The following RBFOX2 variants were observed in gnomAD, a reference collection of about 807,000 sequenced individuals.
RBFOX2 encodes RNA binding protein fox-1 homolog 2.
A neutral mutation model predicts 49.1 loss-of-function variants in RBFOX2; 10 were observed. The ratio of observed to expected loss-of-function variants is 0.20; its 90% CI spans 0.13 to 0.35. RBFOX2 has a LOEUF of 0.35. Ranked by LOEUF, RBFOX2 falls within the 10% of genes least tolerant of loss-of-function variation. The pLI is 1.00. For synonymous variants in RBFOX2, 183 were observed against 187.4 expected (o/e 0.98, Z 0.19); for missense variants, 323 against 486.9 (o/e 0.66, Z 3.17).
At chr22:35,882,329 G>A (rs888887581) in intron 1 of RBFOX2, among the ~76,000 whole-genome samples, 3 of 152,180 alleles carry the variant, frequency 2.0e-5, no homozygotes, top group Non-Finnish European at 2.9e-5. Flanking sequence ...ACTAGATTTA[G>A]CAGCATGCAA....
Position 35,898,528 on chromosome 22 carries a change from C to A in RBFOX2, c.-34+40319G>T, listed in dbSNP as rs141254449. The stretch of plus-strand genomic sequence containing the variant: ...GCAACCTCTGCCTCCCAGGCTCAAG[C>A]GATCCTCTCACCTCAGCCTCCAGAG... On this transcript the variant is annotated intron_variant, in intron 1 of 13. Transcript: ENST00000359369. The A allele has an allele frequency of 1.5e-5, 4 of 263,432 alleles. No homozygotes were observed. In the East Asian group the frequency reaches 3.9e-4, roughly 26 times the overall value. 16.3% of individuals were successfully genotyped at this position (263,432 alleles called of 1,614,324 possible).
intron 1 of RBFOX2, among the ~76,000 whole-genome samples, chr22:35,879,075 A>T (rs915726352): frequency 6.6e-6 from 1 of 152,208 alleles, no homozygotes; most frequent in Non-Finnish European, 1.5e-5. Context: ...GCTATGAAAA[A>T]TTTAAAGTAA....
chr22:35,768,324 T>G, exon 5 of RBFOX2: 1 of 1,614,094 alleles, frequency 6.2e-7, no homozygotes, highest in South Asian at 1.1e-5. Flanking sequence ...ATCAGCACTA[T>G]TCTCGAAAGT....
intron 1 of RBFOX2, chr22:35,897,135 C>A: frequency 2.0e-6 from 1 of 503,390 alleles, no homozygotes; most frequent in Middle Eastern, 4.6e-4. Context: ...TCTTTTTAAC[C>A]TCAAATGTTT....
At position 35,922,245 on chromosome 22, in the gene RBFOX2, G is replaced by A. The variant is rs143258208; in HGVS notation, c.-34+16602C>T. 2.8e-4 allele frequency among the ~76,000 whole-genome samples: 42 copies of A among 152,330 alleles called. No homozygotes were observed. In the East Asian group the frequency reaches 7.9e-3, roughly 29 times the overall value. Reference sequence around the variant, plus strand: ...CACACAGAGGGAATAAACTGAGTTTGTAAATAGTGTCAAATACAATGTGAA... The same window carrying A: ...CACACAGAGGGAATAAACTGAGTTTATAAATAGTGTCAAATACAATGTGAA... On this transcript the variant is annotated intron_variant, in intron 1 of 13. Coordinates refer to the RBFOX2 transcript ENST00000359369.
chr22:35,840,263 G>A, exon 1 of RBFOX2: 2 of 1,613,980 alleles, frequency 1.2e-6, no homozygotes, highest in Non-Finnish European at 1.7e-6. Flanking sequence ...AGCCGTGCTG[G>A]GGCACACCTC....
intron 1 of RBFOX2, among the ~76,000 whole-genome samples, chr22:35,883,429 G>A (rs929408291): frequency 6.6e-6 from 1 of 152,220 alleles, no homozygotes; most frequent in African/African-American, 2.4e-5. Flanking sequence ...TGAAGAGGAT[G>A]CTAAGGCACT....
intron 1 of RBFOX2, among the ~76,000 whole-genome samples, chr22:36,013,384 C>A (rs2058900460): frequency 6.6e-6 from 1 of 152,090 alleles, no homozygotes; most frequent in Non-Finnish European, 1.5e-5. Context: ...TAATAGAATA[C>A]CTACTACGTG....
chr22:35,914,715 T>C (rs117181631), intron 1 of RBFOX2, among the ~76,000 whole-genome samples: 1 of 152,298 alleles, frequency 6.6e-6, no homozygotes, highest in East Asian at 1.9e-4. Flanking sequence ...CTCTACGTGA[T>C]TGGTTGGTTC....
chr22:35,755,147 C>T (rs1249919476), intron 9 of RBFOX2, among the ~76,000 whole-genome samples: 2 of 152,184 alleles, frequency 1.3e-5, no homozygotes, highest in Non-Finnish European at 2.9e-5. Flanking sequence ...TATTTCTAGA[C>T]AATTTTAACC....
intron 1 of RBFOX2, among the ~76,000 whole-genome samples, chr22:35,944,335 A>G (rs1487451838): frequency 6.6e-6 from 1 of 152,234 alleles, no homozygotes; most frequent in Non-Finnish European, 1.5e-5. Flanking sequence ...TGATTTTTAA[A>G]GCCGTTTTTC....
chr22:36,002,859 C>T (rs1040029967), intron 1 of RBFOX2, among the ~76,000 whole-genome samples: 1 of 152,262 alleles, frequency 6.6e-6, no homozygotes, highest in African/African-American at 2.4e-5. Flanking sequence ...CTTCTGACCT[C>T]AGATGATCCC....
rs1218090455 is a variant in RBFOX2 at position 35,759,761 on chromosome 22, C to T, written c.887+127G>A. On this transcript the variant is annotated intron_variant, in intron 9 of 11. Transcript: ENST00000405409. This position sits in a 1 kb window ranked among gnomAD's most constrained non-coding sequence, Gnocchi z 4.6. ...TTTTGTCATCTAATCTGTTAATTTG[C>T]AAATATTCACTGAATGCCTACTCTG... 2.4e-6 allele frequency: 3 copies of T among 1,274,822 alleles called. No individual in the cohort carries two copies. Among genetic ancestry groups the T allele is most frequent in the Non-Finnish European group, 3.3e-6 (3 of 918,156 alleles). The allele number at this position is 1,274,822 out of a possible 1,614,324, so 79.0% of individuals were successfully genotyped here.
chr22:35,898,602 A>AT lies in RBFOX2; in HGVS notation c.-34+40244dup, dbSNP rs547358762. Among the ~76,000 whole-genome samples the AT allele has an allele frequency of 1.4e-4, 21 of 150,966 alleles. No individual in the cohort carries two copies. The South Asian group carries it at 4.2e-3, about 30-fold the overall frequency. On this transcript the variant is annotated intron_variant, in intron 1 of 13. Transcript: ENST00000359369. ...CACCACGCCTGGCTAATTTTTTTGT[A>AT]TTTTTGGTAGAAACGGGGTTTCACT...
intron 1 of RBFOX2, among the ~76,000 whole-genome samples, chr22:35,932,589 T>C (rs1203726042): frequency 6.6e-6 from 1 of 152,180 alleles, no homozygotes; most frequent in African/African-American, 2.4e-5. Flanking sequence ...ATTTTAAACA[T>C]CAAAGAATGG....
At chr22:35,839,425 G>T (rs1958307864) in intron 1 of RBFOX2, among the ~76,000 whole-genome samples, 1 of 152,020 alleles carries the variant, frequency 6.6e-6, no homozygotes, top group Non-Finnish European at 1.5e-5. Flanking sequence ...GGGATTGAGG[G>T]GGTTGGGGGA....
chr22:35,863,976 C>G (rs535858590), intron 1 of RBFOX2, among the ~76,000 whole-genome samples: 1 of 152,268 alleles, frequency 6.6e-6, no homozygotes, highest in Admixed American at 6.5e-5. Context: ...CCCATTTATA[C>G]AATTAGATCC....
intron 1 of RBFOX2, among the ~76,000 whole-genome samples, chr22:35,959,712 T>C (rs1317528019): frequency 1.3e-5 from 2 of 152,190 alleles, no homozygotes; most frequent in East Asian, 1.9e-4. Context: ...TTGAATCACC[T>C]GGGAATAATC....
At chr22:35,762,609 G>A (rs1939333946) in intron 6 of RBFOX2, among the ~76,000 whole-genome samples, 1 of 150,282 alleles carries the variant, frequency 6.7e-6, no homozygotes, top group South Asian at 2.1e-4. Context: ...GGGTTCAAGT[G>A]ATTCTCATGC....
Sources: allele counts gnomAD v4.1 joint callset (sites outside exome capture counted in the v4.1 genomes callset), GRCh38; gene constraint gnomAD v4.1.1; non-coding constraint Gnocchi (gnomAD v3.1); transcripts MANE v1.5; gene names NCBI Gene and HGNC (gene_info 2026-07-23, HGNC 2026-07-21).